MYO5C: variants seen among roughly 807,000 people sequenced by gnomAD.
The protein encoded by MYO5C is unconventional myosin-Vc.
A neutral mutation model predicts 235.7 loss-of-function variants in MYO5C; 194 were observed. That is an observed-to-expected ratio of 0.82 (90% CI 0.73 to 0.93). MYO5C has a LOEUF of 0.93. Ranked by LOEUF, MYO5C falls within the 40% of genes least tolerant of loss-of-function variation. MYO5C has a pLI of 0.00. For missense variants in MYO5C, 2,038 were observed against 2,127.2 expected (o/e 0.96, Z 0.82); for synonymous variants, 707 against 754.8 (o/e 0.94, Z 1.04).
Position 52,246,058 on chromosome 15 carries a change from G to A in MYO5C, c.1980-16C>T. The stretch of plus-strand genomic sequence containing the variant: ...GGAGTCAAATCTTTAAAAAGACAAT[G>A]ATATTATGTGTTGAGGCATCGTAAT... On this transcript the variant is annotated splice_polypyrimidine_tract_variant and intron_variant, in intron 16 of 40. Coordinates refer to ENST00000261839, the MANE Select transcript of MYO5C (RefSeq NM_018728.4). The A allele has an allele frequency of 1.2e-6, 2 of 1,607,588 alleles. No homozygotes were observed. Among genetic ancestry groups the A allele is most frequent in the Non-Finnish European group, 1.7e-6 (2 of 1,174,650 alleles).
intron 23 of MYO5C, among the ~76,000 whole-genome samples, chr15:52,234,206 T>C (rs1187736959): frequency 6.6e-6 from 1 of 152,240 alleles, no homozygotes; most frequent in Non-Finnish European, 1.5e-5. Flanking sequence ...CATGTTAAGT[T>C]AGAATCTCAA....
intron 37 of MYO5C, 105 bp from the exon 38 acceptor site, chr15:52,205,252 G>C: frequency 8.1e-7 from 1 of 1,234,858 alleles, no homozygotes; most frequent in South Asian, 1.4e-5. Context: ...TTCTACAAGA[G>C]TCAGTGGATG....
At position 52,237,793 on chromosome 15, in the gene MYO5C, ATCT is replaced by A. The variant is rs367821978; in HGVS notation, c.2704-150_2704-148del. ...TATCACTGCACTGACATTTGTTAGC[ATCT>A]TCTTTGTGGTGAAACAGTATGGCAG... On this transcript the variant is annotated intron_variant, in intron 21 of 40. Transcript: ENST00000261839. 1,385 of 735,076 alleles carry A rather than the reference ATCT, an allele frequency of 1.9e-3. 3 individuals are homozygous for A. Among genetic ancestry groups the A allele is most frequent in the South Asian group, 9.0e-3 (455 of 50,738 alleles). The allele number at this position is 735,076 out of a possible 1,614,324, so 45.5% of individuals were successfully genotyped here.
chr15:52,288,397 T>C (rs141408117), intron 1 of MYO5C, among the ~76,000 whole-genome samples: 2 of 152,302 alleles, frequency 1.3e-5, no homozygotes, highest in Admixed American at 6.5e-5. Context: ...TATTAGGACA[T>C]ACGTAACCAC....
rs141301523 is a variant in MYO5C, at chr15:52,199,918, G to C, written c.4821-3435C>G. On this transcript the variant is annotated intron_variant, in intron 38 of 40. Transcript: ENST00000261839. The stretch of plus-strand genomic sequence containing the variant: ...AGTTTTCTAGCTGAAGCACCAAAAA[G>C]GGGGCAGAAAGTAATAGGAATGCCA... Among the ~76,000 whole-genome samples, 660 of 152,282 alleles carry C rather than the reference G, an allele frequency of 4.3e-3. 2 individuals are homozygous for C. Among genetic ancestry groups the C allele is most frequent in the Non-Finnish European group, 7.8e-3 (534 of 68,030 alleles).
At chr15:52,280,495 C>A (rs902474897) in intron 2 of MYO5C, among the ~76,000 whole-genome samples, 2 of 152,260 alleles carry the variant, frequency 1.3e-5, no homozygotes, top group African/African-American at 4.8e-5. Context: ...AATTCCTACA[C>A]TCCCATTTCA....
At chr15:52,256,600 C>CGCGCGCGG (rs2140815967) in intron 11 of MYO5C, 39 bp downstream of exon 11, 2 of 1,517,270 alleles carry the variant, frequency 1.3e-6, no homozygotes, top group African/African-American at 1.4e-5. Context: ...CGCGCGCGCG[C>CGCGCGCGG]GGCTGAGAAC....
Position 52,278,870 on chromosome 15 carries a change from T to C in MYO5C, c.449+3A>G, listed in dbSNP as rs1313735580. ...GGGGAAGTCCAGCTTGGCAGGAAGC[T>C]ACCTGGCCATCTGCTTGTATGCCTC... On this transcript the variant is annotated splice_donor_region_variant and intron_variant, in intron 4 of 40. Transcript: ENST00000261839. 1 of 1,613,672 alleles carries C rather than the reference T, an allele frequency of 6.2e-7. No homozygotes were observed. Among genetic ancestry groups the C allele is most frequent in the South Asian group, 1.1e-5 (1 of 91,012 alleles).
intron 20 of MYO5C, among the ~76,000 whole-genome samples, chr15:52,240,311 G>A (rs535681468): frequency 7.2e-5 from 11 of 151,964 alleles, no homozygotes; most frequent in African/African-American, 1.4e-4. Context: ...GGCTCACACC[G>A]TAATCCCAGT....
rs374848698 is a variant in MYO5C at position 52,278,944 on chromosome 15, G to A, written c.378C>T (p.Ser126=). 26 of 1,613,986 alleles carry A rather than the reference G, an allele frequency of 1.6e-5. No individual in the cohort carries two copies. The highest frequency in any genetic ancestry group is 1.1e-4 in the East Asian group (5 of 44,892). ...IYGDAIIHAY[S]GQNMGDMDPH... ...GGTCCATATCGCCCATGTTCTGCCC[G>A]CTGTAGGCGTGGATGATGGCATCTC... Residue 126 remains serine (S), a synonymous_variant, in exon 4 of 41, where the codon AGC becomes AGT. Coordinates refer to ENST00000261839, the MANE Select transcript of MYO5C (RefSeq NM_018728.4).
intron 3 of MYO5C, 66 bp from the exon 4 acceptor site, chr15:52,279,083 T>G: frequency 6.5e-7 from 1 of 1,541,016 alleles, no homozygotes; most frequent in East Asian, 2.3e-5. Flanking sequence ...GTTTTTTTTT[T>G]TTTAAGAAAC....
At chr15:52,268,279 G>C (rs561295877) in intron 8 of MYO5C, among the ~76,000 whole-genome samples, 3 of 152,084 alleles carry the variant, frequency 2.0e-5, no homozygotes, top group Non-Finnish European at 4.4e-5. Context: ...ACGTAGAAAT[G>C]GCTGGCCGGG....
chr15:52,251,459 G>A lies in MYO5C; in HGVS notation c.1593C>T (p.Asn531=), dbSNP rs2036471762. 1 of 1,605,470 alleles carries A rather than the reference G, an allele frequency of 6.2e-7. No homozygotes were observed. Among genetic ancestry groups the A allele is most frequent in the African/African-American group, 1.3e-5 (1 of 74,614 alleles). ...TAGGCTTTTCAAACAAAGGGTTCCT[G>A]TTGACAAAATTATTATACAGCTTTT... The part of the protein sequence containing the change: ...WLQKLYNNFV[N]RNPLFEKPRM... Residue 531 remains asparagine, a synonymous_variant, in exon 13 of 41, where the codon AAC becomes AAT. Transcript: ENST00000261839.
chr15:52,261,348 G>C (rs1219764555), intron 9 of MYO5C, among the ~76,000 whole-genome samples: 1 of 152,230 alleles, frequency 6.6e-6, no homozygotes, highest in East Asian at 1.9e-4. Flanking sequence ...GACCACCCCT[G>C]CAGCAATGCC....
At chr15:52,209,768 A>C (rs748940090) in intron 35 of MYO5C, among the ~76,000 whole-genome samples, 2 of 152,150 alleles carry the variant, frequency 1.3e-5, no homozygotes, top group Admixed American at 6.5e-5. Context: ...GCCCCTTCCA[A>C]AAACACTGTG....
At chr15:52,233,436 C>T (rs892159771) in intron 23 of MYO5C, among the ~76,000 whole-genome samples, 13 of 152,176 alleles carry the variant, frequency 8.5e-5, no homozygotes, top group Non-Finnish European at 1.9e-4. Flanking sequence ...GGCTGTCCCA[C>T]GCATTGCAGG....
intron 8 of MYO5C, among the ~76,000 whole-genome samples, chr15:52,265,990 T>C (rs940794375): frequency 6.6e-6 from 1 of 152,088 alleles, no homozygotes; most frequent in African/African-American, 2.4e-5. Context: ...CCAACAGAAA[T>C]ATACCCCAGG....
intron 3 of MYO5C, among the ~76,000 whole-genome samples, chr15:52,279,289 A>G (rs2037115862): frequency 6.6e-6 from 1 of 152,186 alleles, no homozygotes; most frequent in African/African-American, 2.4e-5. Flanking sequence ...AATAAGTAAT[A>G]AATGTATGAA....
Position 52,246,976 on chromosome 15 carries a change from A to G in MYO5C, c.1920T>C (p.Asn640=), listed in dbSNP as rs199738880. 306 of 1,614,020 alleles carry G rather than the reference A, an allele frequency of 1.9e-4. No homozygotes were observed. Among genetic ancestry groups the G allele is most frequent in the South Asian group, 4.2e-4 (38 of 91,080 alleles). ...ATCGAACGTAGTGGGGCGTCGTCGC[A>G]TTGAGGGTCTCCATGAGCAAGTACA... ...SSLYLLMETL[N]ATTPHYVRCI... is the part of the protein sequence containing the mutation. The change falls in exon 16 of 41, where the codon AAT becomes AAC. Residue 640 remains asparagine, a synonymous_variant. Coordinates refer to ENST00000261839, the MANE Select transcript of MYO5C (RefSeq NM_018728.4).
Sources: gnomAD v4.1 joint callset for allele counts (sites outside exome capture counted in the v4.1 genomes callset) on GRCh38, gnomAD v4.1.1 for gene constraint, MANE v1.5 for transcripts, NCBI Gene and HGNC (gene_info 2026-07-23, HGNC 2026-07-21) for gene names.